Variants in PTCH2 observed in about 807,000 individuals in gnomAD.
PTCH2 encodes the protein patched 2.
In PTCH2, 96 loss-of-function variants were observed where a neutral mutation model predicts 117.9. That is an observed-to-expected ratio of 0.81 (90% CI 0.69 to 0.96). The LOEUF is 0.96. PTCH2 is among the 50% of genes least tolerant of loss of function. The pLI, the probability that PTCH2 is intolerant of heterozygous loss-of-function variation, is 0.00. For synonymous variants in PTCH2, 615 were observed against 660.9 expected (o/e 0.93, Z 1.06); for missense variants, 1,379 against 1,562.5 (o/e 0.88, Z 1.98).
At chr1:44,832,365 TG>T (rs578258224) in intron 2 of PTCH2, 24 bp from the exon 3 acceptor site, 4 of 1,612,914 alleles carry the variant, frequency 2.5e-6, no homozygotes, top group African/African-American at 1.3e-5. Context: ...CAGAGAAAGC[TG>T]GGGGGGAAAG....
chr1:44,841,904 C>T lies in PTCH2; in HGVS notation c.208G>A (p.Ala70Thr), dbSNP rs1215524297. The T allele has an allele frequency of 1.9e-6, 3 of 1,614,112 alleles. No homozygotes were observed. Among genetic ancestry groups the T allele is most frequent in the Non-Finnish European group, 2.5e-6 (3 of 1,180,046 alleles). Reference protein sequence around the residue: ...FLGLLAFGALALGLRMAIIET... With the variant: ...FLGLLAFGALTLGLRMAIIET... ...ATAATGGCCATGCGGAGACCTAATG[C>T]CAGGGCCCCAAAGGCCAACAGTCCC... is the stretch of plus-strand genomic sequence containing the variant. The change falls in exon 2 of 22, where the codon GCA becomes ACA. Residue 70 changes from alanine (A) to threonine (T), a missense_variant. Coordinates refer to ENST00000372192, the MANE Select transcript of PTCH2 (RefSeq NM_003738.5).
chr1:44,842,330 A>C (rs550172146), intron 1 of PTCH2, among the ~76,000 whole-genome samples: 1 of 132,880 alleles, frequency 7.5e-6, no homozygotes, highest in East Asian at 2.2e-4. Flanking sequence ...CCCTGGCTGG[A>C]GTGCAGTGGT....
chr1:44,831,908 G>C lies in PTCH2; in HGVS notation c.525+67C>G. The C allele has an allele frequency of 6.4e-7, 1 of 1,572,744 alleles. No homozygotes were observed. On this transcript the variant is annotated intron_variant, in intron 4 of 21. Transcript: ENST00000372192. The surrounding 1 kb of genome is among the most constrained non-coding windows in gnomAD (Gnocchi z 4.3). Reference sequence around the variant, plus strand: ...GGGCAGATTGCAGGCTGTGGGGCTTGCTCGGTCTCTGAGTCCTCCCACGCT... The same window carrying C: ...GGGCAGATTGCAGGCTGTGGGGCTTCCTCGGTCTCTGAGTCCTCCCACGCT...
intron 19 of PTCH2, among the ~76,000 whole-genome samples, chr1:44,824,855 T>C (rs1195580351): frequency 6.6e-6 from 1 of 152,000 alleles, no homozygotes; most frequent in Admixed American, 6.6e-5. Flanking sequence ...GTATTTTTAT[T>C]AGAGACGGGG....
rs773912063 is a variant in PTCH2, at chr1:44,831,778, G to A, written c.545C>T (p.Pro182Leu). 11 of 1,600,486 alleles carry A rather than the reference G, an allele frequency of 6.9e-6. No individual in the cohort carries two copies. The African/African-American group carries it at 9.4e-5, about 14-fold the overall frequency. The change falls in exon 5 of 22, where the codon CCG becomes CTG. Residue 182 changes from proline (P) to leucine (L), a missense_variant. Pro to Leu is a moderately conservative substitution (Grantham distance 98, BLOSUM62 -3). Coordinates refer to ENST00000372192, the MANE Select transcript of PTCH2 (RefSeq NM_003738.5). This position sits in a 1 kb window ranked among gnomAD's most constrained non-coding sequence, Gnocchi z 4.3. Reference protein sequence around the residue: ...MIERMIEKLFPCVILTPLDCF... With the variant: ...MIERMIEKLFLCVILTPLDCF... ...GTCGAGGGGGGTGAGGATCACGCAC[G>A]GAAACAGCTTCTCAATCATCTGCCA...
rs376329398 is a variant in PTCH2, at chr1:44,827,280, C to T, written c.2401G>A (p.Ala801Thr). ...GAGTGGCGGGTGATGCGCCCAGAAGCCCAGTCCTGGTCAAAGGCAGCCTGG... is the reference window on the plus strand; with the variant it reads ...GAGTGGCGGGTGATGCGCCCAGAAGTCCAGTCCTGGTCAAAGGCAGCCTGG... ...GIQAAFDQDW[A>T]SGRITRHSYR... is the part of the protein sequence containing the mutation. Residue 801 changes from alanine to threonine, a missense_variant, in exon 16 of 22, where the codon GCT becomes ACT. Coordinates refer to ENST00000372192, the MANE Select transcript of PTCH2 (RefSeq NM_003738.5). 12 of 1,613,962 alleles carry T rather than the reference C, an allele frequency of 7.4e-6. No homozygotes were observed. The highest frequency in any genetic ancestry group is 1.0e-5 in the Non-Finnish European group (12 of 1,180,020).
chr1:44,833,706 C>T (rs1436565921), intron 2 of PTCH2, among the ~76,000 whole-genome samples: 5 of 152,212 alleles, frequency 3.3e-5, no homozygotes, highest in South Asian at 2.1e-4. Flanking sequence ...AAGCGATTCT[C>T]GTGCCTCAGC....
rs1313125947 is a variant in PTCH2 at position 44,831,643 on chromosome 1, C to T, written c.617+63G>A. 6.9e-7 allele frequency: 1 copy of T among 1,448,594 alleles called. No individual in the cohort carries two copies. Among genetic ancestry groups the T allele is most frequent in the African/African-American group, 1.4e-5 (1 of 70,672 alleles). 89.7% of individuals were successfully genotyped at this position (1,448,594 alleles called of 1,614,324 possible). A position where few individuals can be genotyped will look rare whatever the true frequency, so the allele number is the denominator to read the frequency against. On this transcript the variant is annotated intron_variant, in intron 5 of 21. Coordinates refer to ENST00000372192, the MANE Select transcript of PTCH2 (RefSeq NM_003738.5). This position sits in a 1 kb window ranked among gnomAD's most constrained non-coding sequence, Gnocchi z 4.3. ...TTTGATCATCCTCATTCCCCAGACC[C>T]CTCCTTTCTGCTGGGAGAGTCCCCA...
intron 14 of PTCH2, 64 bp from the exon 15 acceptor site, chr1:44,827,778 T>G: frequency 6.2e-7 from 1 of 1,611,654 alleles, no homozygotes; most frequent in Non-Finnish European, 8.5e-7. Flanking sequence ...GGCAGTGGAC[T>G]AAGCCCTCTC....
Position 44,822,239 on chromosome 1 carries a change from G to A in PTCH2, c.*176C>T. 6.6e-7 allele frequency: 1 copy of A among 1,506,672 alleles called. No homozygotes were observed. Among genetic ancestry groups the A allele is most frequent in the Non-Finnish European group, 8.8e-7 (1 of 1,134,376 alleles). 93.3% of individuals were successfully genotyped at this position (1,506,672 alleles called of 1,614,324 possible). ...TACAGGCTCACACAGGCCTGGATGT[G>A]CAAATCGGTGGCTGTTCTGTATGGA... On this transcript the variant is annotated 3_prime_UTR_variant, in exon 22 of 22. Transcript: ENST00000372192.
chr1:44,821,557 C>T (rs1465779743), downstream of PTCH2, among the ~76,000 whole-genome samples: 1 of 152,198 alleles, frequency 6.6e-6, no homozygotes, highest in African/African-American at 2.4e-5. Flanking sequence ...CCACCTGCTG[C>T]ATGGCTTTGC....
chr1:44,830,813 A>T (rs1557646886), intron 6 of PTCH2, 35 bp downstream of exon 6: 1 of 1,507,340 alleles, frequency 6.6e-7, no homozygotes, highest in Admixed American at 2.1e-5. Flanking sequence ...GGGAAGGAAA[A>T]CAGCCTTTCC....
chr1:44,828,187 A>G lies in PTCH2; in HGVS notation c.1714T>C (p.Cys572Arg), dbSNP rs1196509835. 1 of 1,613,518 alleles carries G rather than the reference A, an allele frequency of 6.2e-7. No homozygotes were observed. Among genetic ancestry groups the G allele is most frequent in the South Asian group, 1.1e-5 (1 of 91,076 alleles). Residue 572 changes from cysteine (C) to arginine (R), a missense_variant, in exon 14 of 22, where the codon TGC (cysteine) becomes CGC (arginine). Physicochemically the swap from Cys to Arg is radical, Grantham distance 180. Transcript: ENST00000372192. ...LDVLCCFSSP[C>R]SAQVIQILPQ... ...AGGATCTGAATCACCTGAGCAGAGC[A>G]GGGACTGGAAGAGGTAGAGAGTGGA...
At position 44,822,213 on chromosome 1, in the gene PTCH2, A is replaced by G; in HGVS notation, c.*202T>C. ...CAGCTTTCACTCTCAAGTGACACAGATACAGGCTCACACAGGCCTGGATGT... is the reference window on the plus strand; with the variant it reads ...CAGCTTTCACTCTCAAGTGACACAGGTACAGGCTCACACAGGCCTGGATGT... On this transcript the variant is annotated 3_prime_UTR_variant, in exon 22 of 22. Coordinates refer to ENST00000372192, the MANE Select transcript of PTCH2 (RefSeq NM_003738.5). 6.9e-7 allele frequency: 1 copy of G among 1,459,804 alleles called. No individual in the cohort carries two copies. Among genetic ancestry groups the G allele is most frequent in the East Asian group, 2.5e-5 (1 of 40,458 alleles). 90.4% of individuals were successfully genotyped at this position (1,459,804 alleles called of 1,614,324 possible). A position where few individuals can be genotyped will look rare whatever the true frequency, so the allele number is the denominator to read the frequency against.
At chr1:44,820,284 G>A (rs534001733), downstream of PTCH2, 7 of 463,456 alleles carry the variant, frequency 1.5e-5, no homozygotes, top group Admixed American at 4.8e-5. Context: ...GCTCTCCTAT[G>A]CTCCTCTCTG....
intron 2 of PTCH2, among the ~76,000 whole-genome samples, chr1:44,834,770 G>A (rs1653612971): frequency 6.6e-6 from 1 of 152,212 alleles, no homozygotes; most frequent in Admixed American, 6.5e-5. Flanking sequence ...GTGCAGAAAG[G>A]AAGAGTCGAT....
chr1:44,824,819 C>A (rs989939762), intron 19 of PTCH2, among the ~76,000 whole-genome samples: 4 of 151,694 alleles, frequency 2.6e-5, no homozygotes, highest in African/African-American at 9.7e-5. Context: ...ATTACAGGCA[C>A]CTGCCACTAC....
rs753309310 is a variant in PTCH2 at position 44,828,988 on chromosome 1, A to G, written c.1458T>C (p.Pro486=). 11 of 1,556,988 alleles carry G rather than the reference A, an allele frequency of 7.1e-6. No individual in the cohort carries two copies. In the Admixed American group the frequency reaches 1.2e-4, roughly 17 times the overall value. ...CTGGGGGACAAGGCCCCACCTGGAG[A>G]GGGGTGCCAGGCAGAGCCTCTGTGA... The part of the protein sequence containing the change: ...HAFTEALPGT[P]LQERMGECLQ... Residue 486 remains proline (P), a synonymous_variant, in exon 11 of 22, where the codon CCT becomes CCC. Transcript: ENST00000372192.
In PTCH2 at chr1:44,829,250, G is replaced by A. The variant is rs1291288872; in HGVS notation, c.1278C>T (p.Gly426=). The change falls in exon 10 of 22, where the codon GGC becomes GGT. Residue 426 remains glycine, a synonymous_variant. Coordinates refer to ENST00000372192, the MANE Select transcript of PTCH2 (RefSeq NM_003738.5). Reference sequence around the variant, plus strand: ...GGGCCACCAGCAGTACCCCGGCAAGGCCCACGGAACCCTGGGACTGGGCGC... The same window carrying A: ...GGGCCACCAGCAGTACCCCGGCAAGACCCACGGAACCCTGGGACTGGGCGC... ...WDCAQSQGSV[G]LAGVLLVALA... 6.2e-7 allele frequency: 1 copy of A among 1,613,402 alleles called. No individual in the cohort carries two copies. The highest frequency in any genetic ancestry group is 8.5e-7 in the Non-Finnish European group (1 of 1,180,028).
Sources: allele counts gnomAD v4.1 joint callset (sites outside exome capture counted in the v4.1 genomes callset), GRCh38; gene constraint gnomAD v4.1.1; non-coding constraint Gnocchi (gnomAD v3.1); transcripts MANE v1.5; gene names NCBI Gene and HGNC (gene_info 2026-07-23, HGNC 2026-07-21).